Variants in EMP3 observed in about 807,000 individuals in gnomAD.
EMP3 encodes epithelial membrane protein 3.
Under a neutral mutation model 21.6 loss-of-function variants are expected in EMP3, and 15 were observed. The ratio of observed to expected loss-of-function variants is 0.69; its 90% CI spans 0.46 to 1.07. EMP3 has a LOEUF of 1.07. EMP3 is among the 50% of genes least tolerant of loss of function. The probability of loss-of-function intolerance (pLI) is 0.00; values close to 1 mark genes in which losing one functional copy is unlikely to be tolerated. For synonymous variants in EMP3, 107 were observed against 86.1 expected (o/e 1.24, Z -1.34); for missense variants, 183 against 206.6 (o/e 0.89, Z 0.70).
chr19:48,328,877 C>T (rs1400667708), intron 3 of EMP3, among the ~76,000 whole-genome samples: 2 of 152,102 alleles, frequency 1.3e-5, no homozygotes, highest in African/African-American at 4.8e-5. Context: ...ATCCCAGCAC[C>T]TTGGGAGGCT....
rs1168721977 is a variant in EMP3 at position 48,330,530 on chromosome 19, CA to C, written c.*66del. 3 of 1,460,232 alleles carry C rather than the reference CA, an allele frequency of 2.1e-6. No individual in the cohort carries two copies. Among genetic ancestry groups the C allele is most frequent in the Non-Finnish European group, 9.1e-7 (1 of 1,096,230 alleles). 90.5% of individuals were successfully genotyped at this position (1,460,232 alleles called of 1,614,324 possible). On this transcript the variant is annotated 3_prime_UTR_variant, in exon 5 of 5. Coordinates refer to ENST00000270221, the MANE Select transcript of EMP3 (RefSeq NM_001425.3). ...CCGGCCCCCCTCGCCGCGCGTCCTC[CA>C]AAAAATAAAACCTTAACCGCGGGCT...
intron 3 of EMP3, 140 bp downstream of exon 3, chr19:48,327,763 G>T: frequency 2.9e-6 from 2 of 690,054 alleles, no homozygotes; most frequent in Non-Finnish European, 2.6e-6. Context: ...AGTGCCTAGG[G>T]CTAATGCATG....
rs1969149205 is a variant in EMP3, at chr19:48,327,811, T to C, written c.181+188T>C. Reference sequence around the variant, plus strand: ...GGATGTACCTACCTCTTGTTTTTTTTGTTTTTGTTTTTTGAGACCGAGTTT... The same window carrying C: ...GGATGTACCTACCTCTTGTTTTTTTCGTTTTTGTTTTTTGAGACCGAGTTT... On this transcript the variant is annotated intron_variant, in intron 3 of 4. Transcript: ENST00000270221. The C allele has an allele frequency of 7.0e-6, 4 of 573,424 alleles. No individual in the cohort carries two copies. In the Admixed American group the frequency reaches 9.6e-5, roughly 14 times the overall value. 35.5% of individuals were successfully genotyped at this position (573,424 alleles called of 1,614,324 possible).
Position 48,329,863 on chromosome 19 carries a change from GTA to G in EMP3, c.322+373_322+374del, listed in dbSNP as rs1486764928. 1.3e-5 allele frequency among the ~76,000 whole-genome samples: 2 copies of G among 152,074 alleles called. No individual in the cohort carries two copies. Among genetic ancestry groups the G allele is most frequent in the Non-Finnish European group, 2.9e-5 (2 of 68,022 alleles). On this transcript the variant is annotated intron_variant, in intron 4 of 4. Coordinates refer to ENST00000270221, the MANE Select transcript of EMP3 (RefSeq NM_001425.3). This position sits in a 1 kb window ranked among gnomAD's most constrained non-coding sequence, Gnocchi z 4.5. Reference sequence around the variant, plus strand: ...AGAGCTCTAAATCATAATAATAATGGTATTTATATCAGCCAACCGCTGTTTCT... The same window carrying G: ...AGAGCTCTAAATCATAATAATAATGGTTTATATCAGCCAACCGCTGTTTCT...
chr19:48,326,790 C>A, intron 1 of EMP3, 40 bp from the exon 2 acceptor site: 5 of 1,572,324 alleles, frequency 3.2e-6, no homozygotes, highest in Admixed American at 1.7e-5. Context: ...CTGGCCTGTG[C>A]CAACCTCTTG....
rs112657558 is a variant in EMP3 at position 48,327,240 on chromosome 19, C to G, written c.79-281C>G. ...AGAGACGGGGTTTCACCATGTTGCC[C>G]AGGCTGGTCTCGAACCCCTGGCCTC... On this transcript the variant is annotated intron_variant, in intron 2 of 4. Transcript: ENST00000270221. Among the ~76,000 whole-genome samples the G allele has an allele frequency of 6.9e-3, 1,048 of 152,220 alleles. 12 individuals carry two copies. The highest frequency in any genetic ancestry group is 0.024 in the African/African-American group (984 of 41,528).
rs566015053 is a variant in EMP3 at position 48,326,915 on chromosome 19, T to G, written c.71T>G (p.Leu24Trp). The G allele has an allele frequency of 6.2e-7, 1 of 1,613,590 alleles. No homozygotes were observed. Among genetic ancestry groups the G allele is most frequent in the South Asian group, 1.1e-5 (1 of 91,080 alleles). ...CTTATACTGCTTTTCGTGGCCACTTTGGACAAGGTAAGCCTACTTGGAGCT... is the reference window on the plus strand; with the variant it reads ...CTTATACTGCTTTTCGTGGCCACTTGGGACAAGGTAAGCCTACTTGGAGCT... ...LILILLFVATLDKSWWTLPGK... is the reference protein window; with the variant it reads ...LILILLFVATWDKSWWTLPGK... The change falls in exon 2 of 5, where the codon TTG becomes TGG. Residue 24 changes from leucine to tryptophan, a missense_variant. Transcript: ENST00000270221.
In EMP3 at chr19:48,329,520, T is replaced by A. The variant is rs1345897781; in HGVS notation, c.322+28T>A. 4.3e-6 allele frequency: 7 copies of A among 1,612,620 alleles called. No individual in the cohort carries two copies. The highest frequency in any genetic ancestry group is 5.9e-6 in the Non-Finnish European group (7 of 1,179,320). On this transcript the variant is annotated intron_variant, in intron 4 of 4. Coordinates refer to ENST00000270221, the MANE Select transcript of EMP3 (RefSeq NM_001425.3). The surrounding 1 kb of genome is among the most constrained non-coding windows in gnomAD (Gnocchi z 4.5). The stretch of plus-strand genomic sequence containing the variant: ...GAGCACTGCCCCTCCCCAACCCTAA[T>A]CCCCCAAGAATTGAGCAGAAGGGAG...
intron 1 of EMP3, among the ~76,000 whole-genome samples, chr19:48,326,493 ATTT>A (rs34741493): frequency 6.9e-6 from 1 of 144,416 alleles, no homozygotes; most frequent in African/African-American, 2.6e-5. Context: ...TTTATGCCAA[ATTT>A]TTTTTTTTTT....
chr19:48,330,176 A>G, intron 4 of EMP3, 125 bp from the exon 5 acceptor site: 1 of 1,382,076 alleles, frequency 7.2e-7, no homozygotes, highest in Non-Finnish European at 9.5e-7. Flanking sequence ...GGGGGAAAGA[A>G]CCACAACTCC....
chr19:48,330,492 CCCCCGCCCCTT>C lies in EMP3; in HGVS notation c.*26_*36del. On this transcript the variant is annotated 3_prime_UTR_variant, in exon 5 of 5. Transcript: ENST00000270221. ...GTGAGCGCCCCGCCTCGCTCGGCTG[CCCCCGCCCCTT>C]CCCGGCCCCCCTCGCCGCGCGTCCT... The C allele has an allele frequency of 6.4e-7, 1 of 1,553,684 alleles. No homozygotes were observed. The highest frequency in any genetic ancestry group is 8.6e-7 in the Non-Finnish European group (1 of 1,158,934).
chr19:48,327,070 T>TC, intron 2 of EMP3, 148 bp downstream of exon 2: 1 of 738,086 alleles, frequency 1.4e-6, no homozygotes, highest in Non-Finnish European at 2.2e-6. Flanking sequence ...TCTCACTCTG[T>TC]CCCCCAGGCT....
In EMP3 at chr19:48,326,809, TC is replaced by T. The variant is rs757529936; in HGVS notation, c.-15-17del. ...CCTGTGCCAACCTCTTGAGACTCCG[TC>T]CCCTGCTCCCCCTCCCCAGGCTTCC... On this transcript the variant is annotated intron_variant, in intron 1 of 4. Coordinates refer to ENST00000270221, the MANE Select transcript of EMP3 (RefSeq NM_001425.3). 13 of 1,606,562 alleles carry T rather than the reference TC, an allele frequency of 8.1e-6. No homozygotes were observed. In the East Asian group the frequency reaches 2.7e-4, roughly 33 times the overall value.
At position 48,326,726 on chromosome 19, in the gene EMP3, G is replaced by A. The variant is rs557056803; in HGVS notation, c.-15-104G>A. On this transcript the variant is annotated intron_variant, in intron 1 of 4. Transcript: ENST00000270221. The stretch of plus-strand genomic sequence containing the variant: ...GCTGGTCTCGATCTCCTGACCTCAG[G>A]TGATCCTCCCGCCTCGGCCTCCCAA... 4.1e-5 allele frequency: 37 copies of A among 893,858 alleles called. 1 individual carries two copies. Among genetic ancestry groups the A allele is most frequent in the Admixed American group, 3.3e-4 (19 of 57,940 alleles). The allele number at this position is 893,858 out of a possible 1,614,324, so 55.4% of individuals were successfully genotyped here.
Position 48,329,613 on chromosome 19 carries a change from C to T in EMP3, c.322+121C>T. 1 of 1,308,822 alleles carries T rather than the reference C, an allele frequency of 7.6e-7. No homozygotes were observed. The highest frequency in any genetic ancestry group is 1.0e-6 in the Non-Finnish European group (1 of 963,818). 81.1% of individuals were successfully genotyped at this position (1,308,822 alleles called of 1,614,324 possible). A position where few individuals can be genotyped will look rare whatever the true frequency, so the allele number is the denominator to read the frequency against. On this transcript the variant is annotated intron_variant, in intron 4 of 4. Coordinates refer to ENST00000270221, the MANE Select transcript of EMP3 (RefSeq NM_001425.3). The surrounding 1 kb of genome is among the most constrained non-coding windows in gnomAD (Gnocchi z 4.5). ...CGTAGAAAAAAACAACTTTCAACAC[C>T]CCACGAGCCACAAGAGGTGCCTCCG... is the stretch of plus-strand genomic sequence containing the variant.
At chr19:48,328,585 T>G (rs542289022) in intron 3 of EMP3, among the ~76,000 whole-genome samples, 1 of 151,948 alleles carries the variant, frequency 6.6e-6, no homozygotes, top group Non-Finnish European at 1.5e-5. Flanking sequence ...TCTAAAGGGG[T>G]GGGGCCAGGT....
At position 48,329,600 on chromosome 19, in the gene EMP3, C is replaced by A. The variant is rs975097199; in HGVS notation, c.322+108C>A. On this transcript the variant is annotated intron_variant, in intron 4 of 4. Coordinates refer to ENST00000270221, the MANE Select transcript of EMP3 (RefSeq NM_001425.3). This position sits in a 1 kb window ranked among gnomAD's most constrained non-coding sequence, Gnocchi z 4.5. Reference sequence around the variant, plus strand: ...AGAATGGGCCTCTCGTAGAAAAAAACAACTTTCAACACCCCACGAGCCACA... The same window carrying A: ...AGAATGGGCCTCTCGTAGAAAAAAAAAACTTTCAACACCCCACGAGCCACA... The A allele has an allele frequency of 5.0e-6, 7 of 1,389,512 alleles. No homozygotes were observed. In the East Asian group the frequency reaches 7.3e-5, roughly 15 times the overall value. The allele number at this position is 1,389,512 out of a possible 1,614,324, so 86.1% of individuals were successfully genotyped here.
At chr19:48,326,808 G>T in intron 1 of EMP3, 22 bp from the exon 2 acceptor site, 1 of 1,605,836 alleles carries the variant, frequency 6.2e-7, no homozygotes. Flanking sequence ...TTGAGACTCC[G>T]TCCCCTGCTC....
chr19:48,329,293 G>A lies in EMP3; in HGVS notation c.182-59G>A. On this transcript the variant is annotated intron_variant, in intron 3 of 4. Coordinates refer to ENST00000270221, the MANE Select transcript of EMP3 (RefSeq NM_001425.3). The surrounding 1 kb of genome is among the most constrained non-coding windows in gnomAD (Gnocchi z 4.5). ...AGAAGGGTCACATGGTGAGCAAGCA[G>A]GTGAAGCTGGAACTCTGGACCCACG... 1 of 1,605,618 alleles carries A rather than the reference G, an allele frequency of 6.2e-7. No individual in the cohort carries two copies. The highest frequency in any genetic ancestry group is 8.5e-7 in the Non-Finnish European group (1 of 1,174,864).
Sources: allele counts gnomAD v4.1 joint callset (sites outside exome capture counted in the v4.1 genomes callset), GRCh38; gene constraint gnomAD v4.1.1; non-coding constraint Gnocchi (gnomAD v3.1); transcripts MANE v1.5; gene names NCBI Gene and HGNC (gene_info 2026-07-23, HGNC 2026-07-21).